Variants in KHSRP observed in about 807,000 individuals in gnomAD.
KHSRP encodes far upstream element-binding protein 2.
Under a neutral mutation model 94.9 loss-of-function variants are expected in KHSRP, and 13 were observed. That is an observed-to-expected ratio of 0.14 (90% confidence interval 0.09 to 0.22). KHSRP has a LOEUF of 0.22. Ranked by LOEUF, KHSRP falls within the 10% of genes least tolerant of loss-of-function variation. The probability of loss-of-function intolerance (pLI) is 1.00; values close to 1 mark genes in which losing one functional copy is unlikely to be tolerated. For missense variants in KHSRP, 710 were observed against 1,010.0 expected (o/e 0.70, Z 4.03); for synonymous variants, 495 against 401.4 (o/e 1.23, Z -2.79).
At position 6,414,838 on chromosome 19, in the gene KHSRP, T is replaced by C; in HGVS notation, c.*186A>G. The C allele has an allele frequency of 8.1e-7, 1 of 1,237,316 alleles. No homozygotes were observed. Among genetic ancestry groups the C allele is most frequent in the Non-Finnish European group, 1.0e-6 (1 of 987,556 alleles). The allele number at this position is 1,237,316 out of a possible 1,614,324, so 76.6% of individuals were successfully genotyped here. On this transcript the variant is annotated 3_prime_UTR_variant, in exon 19 of 19. Coordinates refer to ENST00000600480, the MANE Select transcript of KHSRP (RefSeq NM_001366299.1). ...CCGCGCTGTCTGCCTGCCCCCCGAC[T>C]CCCCAGCAGTTCAGAAGTCCCGCCT...
At chr19:6,416,207 A>G (rs753111368) in intron 15 of KHSRP, 91 bp downstream of exon 15, 6 of 1,073,642 alleles carry the variant, frequency 5.6e-6, no homozygotes, top group Non-Finnish European at 8.1e-6. Flanking sequence ...CCCCGCCTGC[A>G]CTTCTAGGGA....
chr19:6,416,598 G>A lies in KHSRP; in HGVS notation c.1380C>T (p.Ile460=), dbSNP rs771682603. The A allele has an allele frequency of 1.2e-6, 2 of 1,613,802 alleles. No individual in the cohort carries two copies. Among genetic ancestry groups the A allele is most frequent in the African/African-American group, 1.3e-5 (1 of 74,958 alleles). ...INQQTGAFVE[I]SRQLPPNGDP... is the part of the protein sequence containing the mutation. ...CCCCGTTGGGTGGCAGCTGCCGGGA[G>A]ATCTCTACGAAGGCTCCCGTCTGCT... The change falls in exon 14 of 19, where the codon ATC becomes ATT. Residue 460 remains isoleucine (I), a synonymous_variant. Transcript: ENST00000600480.
rs139957775 is a variant in KHSRP, at chr19:6,418,576, G to A, written c.786C>T (p.Arg262=). 2.0e-4 allele frequency: 317 copies of A among 1,613,844 alleles called. 1 individual carries two copies. The East Asian group carries it at 5.3e-3, about 27-fold the overall frequency. ...GGETIKQLQE[R]AGVKMILIQD... ...GAATTAAGATCATCTTCACTCCAGC[G>A]CGTTCCTTTACAAGCAAGGTTAACC... is the stretch of plus-strand genomic sequence containing the variant. Residue 262 remains arginine (R), a synonymous_variant, in exon 9 of 19, where the codon CGC becomes CGT. Transcript: ENST00000600480. This position sits in a 1 kb window ranked among gnomAD's most constrained non-coding sequence, Gnocchi z 4.3.
chr19:6,424,344 G>T, intron 1 of KHSRP, 109 bp downstream of exon 1: 3 of 376,336 alleles, frequency 8.0e-6, no homozygotes, highest in Non-Finnish European at 1.1e-5. Context: ...CCCCGCGACG[G>T]CCCCGGCCCC....
chr19:6,419,317 G>T, intron 6 of KHSRP, 57 bp from the exon 7 acceptor site: 1 of 1,474,762 alleles, frequency 6.8e-7, no homozygotes. Context: ...AGAAAGGCCT[G>T]CCTTGGACAC....
In KHSRP at chr19:6,416,990, G is replaced by A; in HGVS notation, c.1179C>T (p.Leu393=). The change falls in exon 12 of 19, where the codon CTC becomes CTT. Residue 393 remains leucine (L), a synonymous_variant. Transcript: ENST00000600480. ...TTCAGCACCCGGGGCCACCTACCCT[G>A]AGGCTCTGGAGGAGGTCGTTGATGA... The part of the protein sequence containing the change: ...ARIINDLLQS[L]RSGPPGPPGG... 2 of 1,613,772 alleles carry A rather than the reference G, an allele frequency of 1.2e-6. No individual in the cohort carries two copies. The highest frequency in any genetic ancestry group is 1.3e-5 in the African/African-American group (1 of 75,046).
At position 6,417,136 on chromosome 19, in the gene KHSRP, C is replaced by T. The variant is rs200664394; in HGVS notation, c.1082-49G>A. 6 of 1,466,272 alleles carry T rather than the reference C, an allele frequency of 4.1e-6. No homozygotes were observed. In the East Asian group the frequency reaches 1.4e-4, roughly 33 times the overall value. 90.8% of individuals were successfully genotyped at this position (1,466,272 alleles called of 1,614,324 possible). A position where few individuals can be genotyped will look rare whatever the true frequency, so the allele number is the denominator to read the frequency against. On this transcript the variant is annotated intron_variant, in intron 11 of 18. Transcript: ENST00000600480. ...GAGACACAAGTTTAAAAGAAGAGCC[C>T]ACCCCAGAGCCCTGCAACGCCGCCT...
Position 6,418,688 on chromosome 19 carries a change from G to C in KHSRP, c.780+14C>G. The C allele has an allele frequency of 1.9e-6, 3 of 1,613,850 alleles. No homozygotes were observed. The highest frequency in any genetic ancestry group is 2.5e-6 in the Non-Finnish European group (3 of 1,179,832). On this transcript the variant is annotated intron_variant, in intron 8 of 18. Transcript: ENST00000600480. The surrounding 1 kb of genome is among the most constrained non-coding windows in gnomAD (Gnocchi z 4.3). ...ACACGGATGCAGAGGAAGCTGCCCA[G>C]GTGCTGCCCTCACCTGCAGCTGCTT...
chr19:6,422,955 G>A (rs1281030371), intron 1 of KHSRP, among the ~76,000 whole-genome samples: 1 of 152,124 alleles, frequency 6.6e-6, no homozygotes, highest in Non-Finnish European at 1.5e-5. Flanking sequence ...CACTTCAAGG[G>A]ATATGAAATC....
chr19:6,424,363 A>T, intron 1 of KHSRP, 90 bp downstream of exon 1: 2 of 549,470 alleles, frequency 3.6e-6, no homozygotes, highest in Non-Finnish European at 4.6e-6. Context: ...CCCCTCCGCG[A>T]CCCTGCGCGC....
In KHSRP at chr19:6,418,400, G is replaced by C; in HGVS notation, c.879+83C>G. 1.0e-6 allele frequency: 1 copy of C among 966,896 alleles called. No individual in the cohort carries two copies. Among genetic ancestry groups the C allele is most frequent in the Non-Finnish European group, 1.6e-6 (1 of 614,954 alleles). The allele number at this position is 966,896 out of a possible 1,614,324, so 59.9% of individuals were successfully genotyped here. On this transcript the variant is annotated intron_variant, in intron 9 of 18. Transcript: ENST00000600480. This position sits in a 1 kb window ranked among gnomAD's most constrained non-coding sequence, Gnocchi z 4.3. ...CGACTGTTCACATATCTCTCTGGCG[G>C]AATGCAGACCCCGAGACCGCTGGCC...
intron 1 of KHSRP, 110 bp downstream of exon 1, chr19:6,424,343 G>C (rs1354971577): frequency 5.5e-6 from 2 of 364,072 alleles, no homozygotes; most frequent in Non-Finnish European, 7.6e-6. Context: ...ACCCCGCGAC[G>C]GCCCCGGCCC....
In KHSRP at chr19:6,421,273, CT is replaced by C; in HGVS notation, c.425+4del. On this transcript the variant is annotated splice_donor_region_variant and intron_variant, in intron 4 of 18. Transcript: ENST00000600480. ...GAAAGCAGTGTGGGCCCCACCATGG[CT>C]TACCTTGGGGGAGGATGGATGGGTC... 6.3e-7 allele frequency: 1 copy of C among 1,584,944 alleles called. No individual in the cohort carries two copies. The highest frequency in any genetic ancestry group is 2.3e-5 in the East Asian group (1 of 43,408).
chr19:6,414,621 TCCCTGC>T lies in KHSRP; in HGVS notation c.*397_*402del. On this transcript the variant is annotated 3_prime_UTR_variant, in exon 19 of 19. Coordinates refer to ENST00000600480, the MANE Select transcript of KHSRP (RefSeq NM_001366299.1). ...GGGCCGCTCCCCGCGTCCCCACCAG[TCCCTGC>T]CAGAGCCAGGCCGCCTGCAACACAG... 1 of 1,010,114 alleles carries T rather than the reference TCCCTGC, an allele frequency of 9.9e-7. No individual in the cohort carries two copies. The highest frequency in any genetic ancestry group is 1.7e-5 in the African/African-American group (1 of 57,888). The allele number at this position is 1,010,114 out of a possible 1,614,324, so 62.6% of individuals were successfully genotyped here. A position where few individuals can be genotyped will look rare whatever the true frequency, so the allele number is the denominator to read the frequency against.
At position 6,424,619 on chromosome 19, in the gene KHSRP, C is replaced by T; in HGVS notation, c.83G>A (p.Gly28Glu). Residue 28 changes from glycine to glutamate, a missense_variant, in exon 1 of 19, where the codon GGA (glycine) becomes GAA (glutamate). Physicochemically the swap from Gly to Glu is moderately conservative, Grantham distance 98. Around this residue, in one of 5 missense-constraint regions of KHSRP, gnomAD observed 92 missense variants for 80.8 expected, o/e 1.14. Coordinates refer to ENST00000600480, the MANE Select transcript of KHSRP (RefSeq NM_001366299.1). ...GGGGGAGGAG[G>E]GPPPGPPGAG... ...GCCTGGCGGGCCCGGCGGAGGGCCT[C>T]CCCCGGCGCCTCCGGCTCCCCCGCC... is the stretch of plus-strand genomic sequence containing the variant. 1 of 970,526 alleles carries T rather than the reference C, an allele frequency of 1.0e-6. No individual in the cohort carries two copies. Among genetic ancestry groups the T allele is most frequent in the Non-Finnish European group, 1.2e-6 (1 of 819,654 alleles). 60.1% of individuals were successfully genotyped at this position (970,526 alleles called of 1,614,324 possible). A position where few individuals can be genotyped will look rare whatever the true frequency, so the allele number is the denominator to read the frequency against.
In KHSRP at chr19:6,418,505, A is replaced by G. The variant is rs771381193; in HGVS notation, c.857T>C (p.Ile286Thr). 2.5e-6 allele frequency: 4 copies of G among 1,613,760 alleles called. No homozygotes were observed. The highest frequency in any genetic ancestry group is 2.2e-5 in the East Asian group (1 of 44,874). Residue 286 changes from isoleucine (I) to threonine (T), a missense_variant, in exon 9 of 19, where the codon ATT (isoleucine) becomes ACT (threonine). Physicochemically the swap from Ile to Thr is moderately conservative, Grantham distance 89. Around this residue, in one of 5 missense-constraint regions of KHSRP, gnomAD observed 288 missense variants for 501.1 expected, o/e 0.57. Coordinates refer to ENST00000600480, the MANE Select transcript of KHSRP (RefSeq NM_001366299.1). This position sits in a 1 kb window ranked among gnomAD's most constrained non-coding sequence, Gnocchi z 4.3. ...CACCTGCACTTTGTAAGGATCCCCA[A>G]TGATGCGGAGAGGTTTGTCCACATT... Reference protein sequence around the residue: ...NTNVDKPLRIIGDPYKVQQAC... With the variant: ...NTNVDKPLRITGDPYKVQQAC...
chr19:6,417,830 G>C lies in KHSRP; in HGVS notation c.990C>G (p.Pro330=). The change falls in exon 11 of 19, where the codon CCC becomes CCG. Residue 330 remains proline, a synonymous_variant. Coordinates refer to ENST00000600480, the MANE Select transcript of KHSRP (RefSeq NM_001366299.1). The part of the protein sequence containing the change: ...RIGGGIDVPV[P]RHSVGVVIGR... Reference sequence around the variant, plus strand: ...CAATGACCACGCCAACAGAATGCCTGGGCACTGGCACCTGGGGAGGGAGGC... The same window carrying C: ...CAATGACCACGCCAACAGAATGCCTCGGCACTGGCACCTGGGGAGGGAGGC... 6.2e-7 allele frequency: 1 copy of C among 1,613,814 alleles called. No individual in the cohort carries two copies. Among genetic ancestry groups the C allele is most frequent in the South Asian group, 1.1e-5 (1 of 91,072 alleles).
At chr19:6,420,999 TCA>T (rs1198725976) in intron 4 of KHSRP, 3 of 488,222 alleles carry the variant, frequency 6.1e-6, no homozygotes, top group African/African-American at 2.0e-5. Context: ...TTTGTGCTGC[TCA>T]GAGTCCCCAC....
At chr19:6,420,586 C>T in intron 4 of KHSRP, 115 bp from the exon 5 acceptor site, 2 of 932,710 alleles carry the variant, frequency 2.1e-6, no homozygotes, top group Non-Finnish European at 1.7e-6. Flanking sequence ...TCTGACCACA[C>T]AGGCCACAAA....
Sources: allele counts gnomAD v4.1 joint callset (sites outside exome capture counted in the v4.1 genomes callset), GRCh38; gene constraint gnomAD v4.1.1; regional missense constraint gnomAD v4.1.1; non-coding constraint Gnocchi (gnomAD v3.1); transcripts MANE v1.5; gene names NCBI Gene and HGNC (gene_info 2026-07-23, HGNC 2026-07-21).